TACR3: variants seen among roughly 807,000 people sequenced by gnomAD.
The protein encoded by TACR3 is neuromedin-K receptor.
In TACR3, 34 loss-of-function variants were observed where a neutral mutation model predicts 35.0. The observed-to-expected ratio is 0.97, with a 90% confidence interval of 0.74 to 1.30. The LOEUF (loss-of-function observed/expected upper bound fraction) is 1.30, where lower values mean the gene tolerates loss of function less well. Ranked by LOEUF, TACR3 falls within the 50% of genes most tolerant of loss-of-function variation. The pLI is 0.00. For missense variants in TACR3, 558 were observed against 591.7 expected (o/e 0.94, Z 0.59); for synonymous variants, 233 against 221.1 (o/e 1.05, Z -0.48).
intron 1 of TACR3, among the ~76,000 whole-genome samples, chr4:103,681,072 C>T (rs961231492): frequency 1.3e-5 from 2 of 151,526 alleles, no homozygotes; most frequent in African/African-American, 2.4e-5. Context: ...AATATTCTTC[C>T]TTTTAAAATA....
intron 3 of TACR3, among the ~76,000 whole-genome samples, chr4:103,604,300 T>G (rs1047481817): frequency 1.1e-4 from 16 of 152,370 alleles, no homozygotes; most frequent in South Asian, 8.3e-4. Context: ...AAGGATTCCC[T>G]ATTTAATAAA....
chr4:103,682,667 C>A (rs995650549), intron 1 of TACR3, among the ~76,000 whole-genome samples: 4 of 152,072 alleles, frequency 2.6e-5, no homozygotes, highest in Admixed American at 2.6e-4. Flanking sequence ...GCCGTCACAT[C>A]CTGCAAAAAC....
At chr4:103,652,891 T>A (rs1725653253) in intron 3 of TACR3, among the ~76,000 whole-genome samples, 1 of 152,048 alleles carries the variant, frequency 6.6e-6, no homozygotes, top group Admixed American at 6.6e-5. Context: ...CAAAATAACA[T>A]GATTATTAGT....
chr4:103,692,992 G>A (rs534950060), intron 1 of TACR3, among the ~76,000 whole-genome samples: 1 of 152,232 alleles, frequency 6.6e-6, no homozygotes, highest in South Asian at 2.1e-4. Context: ...ATTATTAAAT[G>A]TATACTTTTG....
chr4:103,623,912 T>C lies in TACR3; in HGVS notation c.889-32229A>G, dbSNP rs113089117. 6.6e-3 allele frequency among the ~76,000 whole-genome samples: 1,011 copies of C among 152,248 alleles called. 9 individuals are homozygous for C. Among genetic ancestry groups the C allele is most frequent in the African/African-American group, 0.023 (945 of 41,546 alleles). On this transcript the variant is annotated intron_variant, in intron 3 of 4. Coordinates refer to ENST00000304883, the MANE Select transcript of TACR3 (RefSeq NM_001059.3). ...ATTCTGAATAATGTAAATAAAACAGTGACTTCTAGTTCTCCAGGGTATTTT... is the reference window on the plus strand; with the variant it reads ...ATTCTGAATAATGTAAATAAAACAGCGACTTCTAGTTCTCCAGGGTATTTT...
At chr4:103,692,181 G>C (rs564166083) in intron 1 of TACR3, among the ~76,000 whole-genome samples, 1 of 152,216 alleles carries the variant, frequency 6.6e-6, no homozygotes, top group Admixed American at 6.5e-5. Context: ...AATCAAATTT[G>C]TGATTTCTTA....
At chr4:103,617,472 A>G (rs533653438) in intron 3 of TACR3, among the ~76,000 whole-genome samples, 4 of 152,300 alleles carry the variant, frequency 2.6e-5, no homozygotes, top group African/African-American at 7.2e-5. Flanking sequence ...CTAGAATAAA[A>G]CATTTGTTTT....
intron 3 of TACR3, among the ~76,000 whole-genome samples, chr4:103,598,898 G>T (rs1724114681): frequency 6.6e-6 from 1 of 152,146 alleles, no homozygotes; most frequent in Admixed American, 6.6e-5. Context: ...GATGCCTCCA[G>T]CTTTGTTCTT....
At chr4:103,718,486 T>G (rs1723139147) in intron 1 of TACR3, among the ~76,000 whole-genome samples, 1 of 152,220 alleles carries the variant, frequency 6.6e-6, no homozygotes, top group East Asian at 1.9e-4. Context: ...TTTACTCAGT[T>G]CATAGCCTCT....
At chr4:103,594,733 A>G (rs1723969231) in intron 3 of TACR3, among the ~76,000 whole-genome samples, 1 of 152,202 alleles carries the variant, frequency 6.6e-6, no homozygotes, top group African/African-American at 2.4e-5. Flanking sequence ...ATTAAAATGC[A>G]TGTGGAAAAT....
intron 1 of TACR3, among the ~76,000 whole-genome samples, chr4:103,683,994 TTGA>T (rs1722173256): frequency 6.6e-6 from 1 of 152,060 alleles, no homozygotes; most frequent in Non-Finnish European, 1.5e-5. Flanking sequence ...AATATATTAA[TTGA>T]TAACAGAAAA....
intron 3 of TACR3, among the ~76,000 whole-genome samples, chr4:103,610,772 A>G (rs1724495222): frequency 6.6e-6 from 1 of 152,122 alleles, no homozygotes; most frequent in African/African-American, 2.4e-5. Context: ...TCTTACATTT[A>G]TATCTTTAAT....
At chr4:103,606,845 C>T (rs1036634758) in intron 3 of TACR3, among the ~76,000 whole-genome samples, 2 of 152,208 alleles carry the variant, frequency 1.3e-5, no homozygotes, top group Non-Finnish European at 2.9e-5. Flanking sequence ...CTGTCCAGAA[C>T]TTCCAACACT....
At chr4:103,655,947 A>G (rs912290957) in intron 3 of TACR3, among the ~76,000 whole-genome samples, 2 of 152,092 alleles carry the variant, frequency 1.3e-5, no homozygotes, top group African/African-American at 2.4e-5. Context: ...AATTAAGAAT[A>G]CTTTACAAAA....
intron 2 of TACR3, among the ~76,000 whole-genome samples, chr4:103,656,596 A>C (rs1331073312): frequency 6.6e-6 from 1 of 152,058 alleles, no homozygotes; most frequent in East Asian, 1.9e-4. Context: ...GGGCTCAGTT[A>C]AACATAAGTT....
chr4:103,668,678 T>C (rs1725984982), intron 1 of TACR3, among the ~76,000 whole-genome samples: 1 of 151,822 alleles, frequency 6.6e-6, no homozygotes, highest in African/African-American at 2.4e-5. Flanking sequence ...TGAAACCCCG[T>C]CTCTACTAAA....
intron 3 of TACR3, among the ~76,000 whole-genome samples, chr4:103,645,140 A>T (rs971672065): frequency 1.1e-4 from 17 of 151,956 alleles, no homozygotes; most frequent in African/African-American, 3.9e-4. Flanking sequence ...AACATTTACT[A>T]CTGCTGATAC....
chr4:103,594,716 T>A (rs774584379), intron 3 of TACR3, among the ~76,000 whole-genome samples: 5 of 152,124 alleles, frequency 3.3e-5, no homozygotes, highest in African/African-American at 7.2e-5. Context: ...CAGAAAAACA[T>A]GCAAAAATTA....
At chr4:103,643,540 A>G (rs1475110443) in intron 3 of TACR3, among the ~76,000 whole-genome samples, 1 of 151,598 alleles carries the variant, frequency 6.6e-6, no homozygotes, top group Admixed American at 6.6e-5. Context: ...GTAGGAATGA[A>G]CTCTACTTGC....
Sources: gnomAD v4.1 joint callset for allele counts (sites outside exome capture counted in the v4.1 genomes callset) on GRCh38, gnomAD v4.1.1 for gene constraint, MANE v1.5 for transcripts, NCBI Gene and HGNC (gene_info 2026-07-23, HGNC 2026-07-21) for gene names.